CCDC33: variants seen among roughly 807,000 people sequenced by gnomAD.
CCDC33 encodes coiled-coil domain-containing protein 33.
CCDC33 carries 94 observed loss-of-function variants against 91.9 expected under a neutral mutation model. The ratio of observed to expected loss-of-function variants is 1.02; its 90% CI spans 0.87 to 1.21. The LOEUF (loss-of-function observed/expected upper bound fraction) is 1.21. Ranked by LOEUF, CCDC33 falls within the 50% of genes most tolerant of loss-of-function variation. CCDC33 has a pLI of 0.00. For synonymous variants in CCDC33, 396 were observed against 374.5 expected (o/e 1.06, Z -0.66); for missense variants, 940 against 935.5 (o/e 1.00, Z -0.06).
At chr15:74,333,222 T>C in intron 16 of CCDC33, 2 of 1,586,482 alleles carry the variant, frequency 1.3e-6, no homozygotes, top group East Asian at 2.3e-5. Context: ...CCATCCCAGG[T>C]GGACCCCGGG....
chr15:74,285,408 G>A (rs918108078), intron 10 of CCDC33, among the ~76,000 whole-genome samples: 1 of 152,142 alleles, frequency 6.6e-6, no homozygotes, highest in Non-Finnish European at 1.5e-5. Flanking sequence ...CTGGCAGCAC[G>A]TGGTCATCCC....
chr15:74,203,305 A>T, intron 1 of CCDC33: 1 of 690,272 alleles, frequency 1.4e-6, no homozygotes, highest in South Asian at 6.5e-5. Flanking sequence ...ACGGGTAGGC[A>T]AGAGGAGCCC....
At chr15:74,326,112 G>C (rs920428762) in intron 11 of CCDC33, among the ~76,000 whole-genome samples, 1 of 152,136 alleles carries the variant, frequency 6.6e-6, no homozygotes, top group Non-Finnish European at 1.5e-5. Flanking sequence ...ATCTCTTGAG[G>C]CTAGGAGTTC....
chr15:74,268,491 G>GC lies in CCDC33; in HGVS notation c.546+33_546+34insC, dbSNP rs760734139. On this transcript the variant is annotated intron_variant, in intron 5 of 18. Coordinates refer to ENST00000398814, the MANE Select transcript of CCDC33 (RefSeq NM_025055.5). ...GGCTGGGGCCCTCTGGGGTGGTGGT[G>GC]GGGGTGGGAAAGGGCCAAGCTTTGA... is the stretch of plus-strand genomic sequence containing the variant. 372 of 1,479,050 alleles carry GC rather than the reference G, an allele frequency of 2.5e-4. 8 individuals carry two copies. In the Middle Eastern group the frequency reaches 9.0e-3, roughly 36 times the overall value. The allele number at this position is 1,479,050 out of a possible 1,614,324, so 91.6% of individuals were successfully genotyped here.
chr15:74,330,287 G>A lies in CCDC33; in HGVS notation c.1389G>A (p.Leu463=). Residue 463 remains leucine (L), a synonymous_variant, in exon 12 of 19, where the codon CTG becomes CTA. Transcript: ENST00000398814. Reference sequence around the variant, plus strand: ...TCCTGGAAGGAGAGAACCGCATACTGAGGAGCCGCCTGGCCCAGCAGGAGG... The same window carrying A: ...TCCTGGAAGGAGAGAACCGCATACTAAGGAGCCGCCTGGCCCAGCAGGAGG... ...ASILEGENRI[L]RSRLAQQEEE... 1.9e-6 allele frequency: 3 copies of A among 1,612,174 alleles called. No individual in the cohort carries two copies. Among genetic ancestry groups the A allele is most frequent in the Non-Finnish European group, 2.5e-6 (3 of 1,179,716 alleles).
At chr15:74,225,780 A>AT (rs1244332830) in intron 2 of CCDC33, among the ~76,000 whole-genome samples, 6 of 152,166 alleles carry the variant, frequency 3.9e-5, no homozygotes, top group Non-Finnish European at 8.8e-5. Flanking sequence ...CTGACAGTGG[A>AT]TTAGGGTGGG....
At chr15:74,312,577 G>A (rs577762859) in intron 11 of CCDC33, among the ~76,000 whole-genome samples, 3 of 152,056 alleles carry the variant, frequency 2.0e-5, no homozygotes, top group African/African-American at 7.3e-5. Flanking sequence ...TGTTCACAGC[G>A]CCTATGTACA....
intron 1 of CCDC33, among the ~76,000 whole-genome samples, chr15:74,203,714 A>G (rs75338185): frequency 0.02 from 3,028 of 152,320 alleles, 31 homozygotes; most frequent in South Asian, 0.042. Flanking sequence ...ACACAGCCAG[A>G]TAACTAAATC....
At chr15:74,233,693 G>A (rs2075056072), upstream of CCDC33, among the ~76,000 whole-genome samples, 1 of 152,212 alleles carries the variant, frequency 6.6e-6, no homozygotes. Flanking sequence ...AAGCGAGCAT[G>A]CCTGGAGCTC....
intron 2 of CCDC33, among the ~76,000 whole-genome samples, chr15:74,257,688 C>CT (rs2075910529): frequency 6.6e-6 from 1 of 152,262 alleles, no homozygotes; most frequent in Non-Finnish European, 1.5e-5. Context: ...ACCTTCTCTC[C>CT]TCTAAGTGGA....
At chr15:74,324,986 A>G (rs2930301) in intron 11 of CCDC33, among the ~76,000 whole-genome samples, 80,578 of 131,630 alleles carry the variant, frequency 0.61, 24,807 homozygotes, top group Non-Finnish European at 0.67. Flanking sequence ...CCTCCACACT[A>G]CAGGCATGCA....
At chr15:74,266,334 G>A (rs2076165140) in intron 3 of CCDC33, among the ~76,000 whole-genome samples, 1 of 152,102 alleles carries the variant, frequency 6.6e-6, no homozygotes, top group Non-Finnish European at 1.5e-5. Context: ...CTGCTTGCCT[G>A]TGTATCTCAG....
chr15:74,318,789 G>C, intron 11 of CCDC33: 1 of 647,696 alleles, frequency 1.5e-6, no homozygotes, highest in Non-Finnish European at 2.8e-6. Flanking sequence ...GCAGGGTGGA[G>C]AGGACCAGGG....
intron 2 of CCDC33, among the ~76,000 whole-genome samples, chr15:74,258,813 A>G (rs866678754): frequency 6.6e-6 from 1 of 152,152 alleles, no homozygotes. Context: ...ACCAGATGAC[A>G]TATTTTCCCT....
chr15:74,213,464 A>C (rs535504520), upstream of CCDC33: 9 of 152,370 alleles, frequency 5.9e-5, no homozygotes, highest in African/African-American at 1.7e-4. Context: ...GAAACTCAGC[A>C]TAAAAGTGGA....
chr15:74,336,163 C>T (rs1444924260), downstream of CCDC33: 5 of 1,497,466 alleles, frequency 3.3e-6, no homozygotes, highest in Admixed American at 1.0e-4. Context: ...TTTCCTGGAG[C>T]AGGGCAGCCT....
intron 11 of CCDC33, among the ~76,000 whole-genome samples, chr15:74,324,471 A>C (rs1436401735): frequency 6.6e-6 from 1 of 151,752 alleles, no homozygotes; most frequent in Non-Finnish European, 1.5e-5. Context: ...TCCAAGCCGC[A>C]AGACTCAAGC....
At chr15:74,336,433 G>T (rs1219978685), downstream of CCDC33, 2 of 1,294,052 alleles carry the variant, frequency 1.5e-6, no homozygotes, top group African/African-American at 1.5e-5. Flanking sequence ...CTTTTCATCT[G>T]CCCCAAAACA....
intron 11 of CCDC33, among the ~76,000 whole-genome samples, chr15:74,324,078 A>T (rs1182801109): frequency 1.5e-5 from 2 of 132,078 alleles, no homozygotes; most frequent in African/African-American, 5.7e-5. Context: ...CAATAGAAAG[A>T]GACTCCATCT....
Sources: gnomAD v4.1 joint callset for allele counts (sites outside exome capture counted in the v4.1 genomes callset) on GRCh38, gnomAD v4.1.1 for gene constraint, MANE v1.5 for transcripts, NCBI Gene and HGNC (gene_info 2026-07-23, HGNC 2026-07-21) for gene names.